Variants in LHPP observed in about 807,000 individuals in gnomAD.
LHPP encodes hLHPP.
In LHPP, 24 loss-of-function variants were observed where a neutral mutation model predicts 30.3. That is an observed-to-expected ratio of 0.79 (90% CI 0.57 to 1.11). LHPP has a LOEUF of 1.11. Among genes scored for constraint, LHPP ranks in the 50% most tolerant of loss-of-function variants. The pLI is 0.00. For missense variants in LHPP, 356 were observed against 367.2 expected (o/e 0.97, Z 0.25); for synonymous variants, 150 against 157.1 (o/e 0.95, Z 0.34).
chr10:124,495,296 T>G (rs760240861), intron 3 of LHPP, among the ~76,000 whole-genome samples: 3 of 152,060 alleles, frequency 2.0e-5, no homozygotes, highest in Admixed American at 6.5e-5. Flanking sequence ...GGGGTTCACG[T>G]GGAGAGTCCC....
At chr10:124,604,147 T>C (rs1949063661) in intron 6 of LHPP, among the ~76,000 whole-genome samples, 1 of 152,144 alleles carries the variant, frequency 6.6e-6, no homozygotes, top group South Asian at 2.1e-4. Flanking sequence ...TTCCCAGAGG[T>C]ACATGGGTCT....
chr10:124,574,342 C>T (rs1212030598), intron 6 of LHPP, among the ~76,000 whole-genome samples: 1 of 152,206 alleles, frequency 6.6e-6, no homozygotes. Flanking sequence ...CGAGGGCGCG[C>T]ACGGATTCGC....
intron 5 of LHPP, among the ~76,000 whole-genome samples, chr10:124,515,424 G>A (rs1229691419): frequency 1.3e-5 from 2 of 152,146 alleles, no homozygotes; most frequent in Non-Finnish European, 2.9e-5. Context: ...GAATGCTCTC[G>A]TCTGCTCATT....
At chr10:124,546,404 T>G (rs1308043734) in intron 6 of LHPP, among the ~76,000 whole-genome samples, 1 of 152,162 alleles carries the variant, frequency 6.6e-6, no homozygotes, top group Non-Finnish European at 1.5e-5. Context: ...TTTTTTTGTT[T>G]GTTTGTTTGT....
chr10:124,610,303 AGCGGGTGCGGGTGTGGGT>A (rs1357486096), intron 6 of LHPP, among the ~76,000 whole-genome samples: 10 of 77,016 alleles, frequency 1.3e-4, no homozygotes, highest in Admixed American at 6.4e-4. Context: ...TTGCTAATGG[AGCGGGTGCGGGTGTGGGT>A]GCGGGTGAGG....
intron 5 of LHPP, among the ~76,000 whole-genome samples, chr10:124,503,042 C>A (rs1054725512): frequency 3.3e-5 from 5 of 151,590 alleles, no homozygotes; most frequent in African/African-American, 1.2e-4. Flanking sequence ...ATCATTAGTT[C>A]TAATTTTGGC....
At chr10:124,507,039 G>T (rs111777068) in intron 5 of LHPP, among the ~76,000 whole-genome samples, 1 of 15,396 alleles carries the variant, frequency 6.5e-5, no homozygotes, top group Non-Finnish European at 1.1e-4. Flanking sequence ...TCAGGTGAGG[G>T]GGGTAGGGAG....
chr10:124,609,222 A>G (rs1949134085), intron 6 of LHPP, among the ~76,000 whole-genome samples: 1 of 152,238 alleles, frequency 6.6e-6, no homozygotes, highest in Admixed American at 6.5e-5. Context: ...TCTGGCCTAC[A>G]CAATAGCAAC....
intron 4 of LHPP, 67 bp from the exon 5 acceptor site, chr10:124,497,969 T>C (rs1298880903): frequency 9.4e-6 from 12 of 1,275,484 alleles, no homozygotes; most frequent in Non-Finnish European, 1.3e-5. Context: ...GGACAGTGTT[T>C]CCGTGGCTGG....
chr10:124,553,449 CTTTTTT>C (rs35840555), intron 6 of LHPP, among the ~76,000 whole-genome samples: 1 of 61,614 alleles, frequency 1.6e-5, no homozygotes, highest in Admixed American at 2.7e-4. Context: ...TACAGCCATT[CTTTTTT>C]TTTTTTTTTT....
chr10:124,476,296 C>A (rs1232281793), intron 1 of LHPP, among the ~76,000 whole-genome samples: 1 of 152,148 alleles, frequency 6.6e-6, no homozygotes, highest in Non-Finnish European at 1.5e-5. Context: ...TGCTCAACAG[C>A]GTCTAGTGGA....
chr10:124,590,923 G>A lies in LHPP; in HGVS notation c.717-22341G>A, dbSNP rs1463543888. ...ACACTGCAACAGGCCTCCTTTCCAGGAAACAGGATCCCTGTCTCAGACAGA... is the reference window on the plus strand; with the variant it reads ...ACACTGCAACAGGCCTCCTTTCCAGAAAACAGGATCCCTGTCTCAGACAGA... On this transcript the variant is annotated intron_variant, in intron 6 of 6. Transcript: ENST00000368842. This position sits in a 1 kb window ranked among gnomAD's most constrained non-coding sequence, Gnocchi z 4.3. 6.6e-6 allele frequency among the ~76,000 whole-genome samples: 1 copy of A among 152,338 alleles called. No individual in the cohort carries two copies. The highest frequency in any genetic ancestry group is 2.1e-4 in the South Asian group (1 of 4,828).
At chr10:124,532,938 A>G (rs1290754156) in intron 6 of LHPP, among the ~76,000 whole-genome samples, 4 of 152,226 alleles carry the variant, frequency 2.6e-5, no homozygotes, top group Non-Finnish European at 5.9e-5. Context: ...AAATGAGAAG[A>G]AGCCCAGGCT....
At chr10:124,549,402 C>T (rs1209214406) in intron 6 of LHPP, among the ~76,000 whole-genome samples, 1 of 151,372 alleles carries the variant, frequency 6.6e-6, no homozygotes, top group Admixed American at 6.6e-5. Context: ...AGTAGCCATG[C>T]ACTCCAGCCT....
In LHPP at chr10:124,593,071, G is replaced by A. The variant is rs1276983726; in HGVS notation, c.717-20193G>A. On this transcript the variant is annotated intron_variant, in intron 6 of 6. Coordinates refer to ENST00000368842, the MANE Select transcript of LHPP (RefSeq NM_022126.4). This position sits in a 1 kb window ranked among gnomAD's most constrained non-coding sequence, Gnocchi z 4.9. Reference sequence around the variant, plus strand: ...GGTACAAGTTGCTAGGGAAATACAGGGGGAGGGTGCTGCCCTCCCCACTGG... The same window carrying A: ...GGTACAAGTTGCTAGGGAAATACAGAGGGAGGGTGCTGCCCTCCCCACTGG... Among the ~76,000 whole-genome samples, 2 of 152,186 alleles carry A rather than the reference G, an allele frequency of 1.3e-5. No homozygotes were observed. The highest frequency in any genetic ancestry group is 3.9e-4 in the East Asian group (2 of 5,186).
At chr10:124,528,310 G>A (rs1342336964) in intron 6 of LHPP, among the ~76,000 whole-genome samples, 2 of 152,178 alleles carry the variant, frequency 1.3e-5, no homozygotes, top group African/African-American at 4.8e-5. Context: ...GGTCATGGTG[G>A]CTTTCTAGGG....
intron 6 of LHPP, among the ~76,000 whole-genome samples, chr10:124,610,354 T>A (rs201250786): frequency 1.4e-3 from 122 of 85,276 alleles, no homozygotes; most frequent in Middle Eastern, 5.1e-3. Flanking sequence ...CGGGTGAGGG[T>A]GCGGGTGAGG....
intron 5 of LHPP, chr10:124,498,547 C>A: frequency 7.8e-7 from 1 of 1,285,038 alleles, no homozygotes; most frequent in Non-Finnish European, 1.0e-6. Context: ...GATTGCCTTT[C>A]AAACTTCCAA....
At chr10:124,490,598 A>T in intron 3 of LHPP, 2 of 247,200 alleles carry the variant, frequency 8.1e-6, no homozygotes, top group Non-Finnish European at 1.7e-5. Flanking sequence ...TGTAGGGTCC[A>T]GGTCCGGGGC....
Sources: gnomAD v4.1 joint callset for allele counts (sites outside exome capture counted in the v4.1 genomes callset) on GRCh38, gnomAD v4.1.1 for gene constraint, Gnocchi (gnomAD v3.1) non-coding constraint, MANE v1.5 for transcripts, NCBI Gene and HGNC (gene_info 2026-07-23, HGNC 2026-07-21) for gene names.